The following EIF3A variants were observed in gnomAD, a reference collection of about 807,000 sequenced individuals.
EIF3A encodes EIF3, p180 subunit.
Under a neutral mutation model 186.6 loss-of-function variants are expected in EIF3A, and 21 were observed. The observed-to-expected ratio is 0.11, with a 90% CI of 0.08 to 0.16. EIF3A has a LOEUF of 0.16. Among genes scored for constraint, EIF3A ranks in the 10% least tolerant of loss-of-function variants. EIF3A has a pLI of 1.00. For missense variants in EIF3A, 1,306 were observed against 1,796.3 expected (o/e 0.73, Z 4.93); for synonymous variants, 563 against 584.3 (o/e 0.96, Z 0.52).
intron 8 of EIF3A, 115 bp downstream of exon 8, chr10:119,061,109 C>T: frequency 1.7e-6 from 1 of 591,802 alleles, no homozygotes. Flanking sequence ...ATGAAATGTG[C>T]ACTGAATTCC....
rs1313816458 is a variant in EIF3A at position 119,042,255 on chromosome 10, G to C, written c.3265C>G (p.Pro1089Ala). The part of the protein sequence containing the change: ...PRRGMDDDRG[P>A]RRGMDDDRGP... ...CGGTCATCATCCATGCCTCGCCTGG[G>C]ACCCCGGTCATCATCCATGCCTCGC... Residue 1089 changes from proline to alanine, a missense_variant, in exon 19 of 22, where the codon CCC becomes GCC. By Grantham distance (27) the Pro-to-Ala change is conservative. Coordinates refer to ENST00000369144, the MANE Select transcript of EIF3A (RefSeq NM_003750.4). This position sits in a 1 kb window ranked among gnomAD's most constrained non-coding sequence, Gnocchi z 7.8. The C allele has an allele frequency of 1.9e-6, 3 of 1,612,398 alleles. No individual in the cohort carries two copies. In the Admixed American group the frequency reaches 5.0e-5, roughly 27 times the overall value.
At chr10:119,067,746 T>C (rs553277567) in intron 6 of EIF3A, among the ~76,000 whole-genome samples, 1 of 152,170 alleles carries the variant, frequency 6.6e-6, no homozygotes, top group Non-Finnish European at 1.5e-5. Flanking sequence ...ATAATTCTAC[T>C]GGATAACAAA....
At chr10:119,037,441 A>G in intron 20 of EIF3A, 132 bp from the exon 21 acceptor site, 7 of 745,498 alleles carry the variant, frequency 9.4e-6, no homozygotes, top group Non-Finnish European at 1.5e-5. Context: ...ACCTGACCTT[A>G]CCTGATGCCT....
intron 1 of EIF3A, among the ~76,000 whole-genome samples, chr10:119,075,750 G>A (rs1354300787): frequency 2.8e-5 from 3 of 107,060 alleles, no homozygotes; most frequent in Non-Finnish European, 5.1e-5. Flanking sequence ...GTCTTGCTCT[G>A]TCACTCAGGC....
chr10:119,036,921 G>A (rs560317082), intron 21 of EIF3A, among the ~76,000 whole-genome samples, 198 bp downstream of exon 21: 1 of 152,056 alleles, frequency 6.6e-6, no homozygotes, highest in South Asian at 2.1e-4. Context: ...GTCTACTACT[G>A]TACTTTGAAT....
chr10:119,043,941 C>A, intron 18 of EIF3A, 113 bp downstream of exon 18: 4 of 813,014 alleles, frequency 4.9e-6, no homozygotes, highest in Admixed American at 2.1e-5. Flanking sequence ...GACATGCACA[C>A]AATTCTTCAT....
At position 119,051,189 on chromosome 10, in the gene EIF3A, G is replaced by C. The variant is rs1848351820; in HGVS notation, c.2319+10C>G. ...ATGAATAAACATTTCCCAAAAATCA[G>C]CAAGCTCACCTCATAAACAGACTGC... On this transcript the variant is annotated intron_variant, in intron 15 of 21. Transcript: ENST00000369144. 11 of 1,592,132 alleles carry C rather than the reference G, an allele frequency of 6.9e-6. No individual in the cohort carries two copies. Among genetic ancestry groups the C allele is most frequent in the Non-Finnish European group, 9.4e-6 (11 of 1,173,586 alleles).
At chr10:119,043,143 G>T (rs1346519946) in intron 18 of EIF3A, among the ~76,000 whole-genome samples, 1 of 152,082 alleles carries the variant, frequency 6.6e-6, no homozygotes, top group Non-Finnish European at 1.5e-5. Flanking sequence ...AATTCACCAG[G>T]CGTAGTGGCC....
At chr10:119,074,560 A>G (rs900546451) in intron 1 of EIF3A, among the ~76,000 whole-genome samples, 4 of 152,126 alleles carry the variant, frequency 2.6e-5, no homozygotes, top group Admixed American at 2.6e-4. Flanking sequence ...TGTGGTGTCA[A>G]TGAAACTATG....
chr10:119,049,997 A>T lies in EIF3A; in HGVS notation c.2474-12T>A, dbSNP rs1228335283. On this transcript the variant is annotated splice_polypyrimidine_tract_variant and intron_variant, in intron 16 of 21. Transcript: ENST00000369144. Reference sequence around the variant, plus strand: ...TCTCTCTTCCCGCTCTAGACCATTGATTAGGTTACTAAGTGTGCCTCCCAG... The same window carrying T: ...TCTCTCTTCCCGCTCTAGACCATTGTTTAGGTTACTAAGTGTGCCTCCCAG... 13 of 1,612,692 alleles carry T rather than the reference A, an allele frequency of 8.1e-6. No individual in the cohort carries two copies. Among genetic ancestry groups the T allele is most frequent in the Non-Finnish European group, 1.1e-5 (13 of 1,179,378 alleles).
intron 14 of EIF3A, among the ~76,000 whole-genome samples, chr10:119,052,672 A>G (rs1848375438): frequency 6.6e-6 from 1 of 152,006 alleles, no homozygotes. Context: ...CACCCCACCC[A>G]GCCTATACAT....
chr10:119,055,534 A>C, intron 14 of EIF3A, among the ~76,000 whole-genome samples: 1 of 152,200 alleles, frequency 6.6e-6, no homozygotes, highest in East Asian at 1.9e-4. Context: ...AGGTTACCAC[A>C]AACTTTTAAT....
At chr10:119,063,101 C>T (rs1843917173) in intron 7 of EIF3A, among the ~76,000 whole-genome samples, 3 of 152,048 alleles carry the variant, frequency 2.0e-5, no homozygotes, top group South Asian at 2.1e-4. Flanking sequence ...CAGTGTGGCA[C>T]GTTTCTTCAG....
At position 119,070,255 on chromosome 10, in the gene EIF3A, A is replaced by T. The variant is rs145377183; in HGVS notation, c.742-601T>A. 3.8e-4 allele frequency among the ~76,000 whole-genome samples: 58 copies of T among 152,358 alleles called. 1 individual carries two copies. The highest frequency in any genetic ancestry group is 1.3e-3 in the African/African-American group (54 of 41,584). ...AAATTATATGGAACGTCTTTGTAGG[A>T]TTCTTAGAGAAAAAGGGCCAGGGAG... On this transcript the variant is annotated intron_variant, in intron 5 of 21. Transcript: ENST00000369144.
At position 119,073,694 on chromosome 10, in the gene EIF3A, G is replaced by C. The variant is rs1320213240; in HGVS notation, c.240+53C>G. Reference sequence around the variant, plus strand: ...ATTCACTTCGAAAGGTAAGTTCTTCGGCAGATTACTAAAAACACTTGTTAA... The same window carrying C: ...ATTCACTTCGAAAGGTAAGTTCTTCCGCAGATTACTAAAAACACTTGTTAA... On this transcript the variant is annotated intron_variant, in intron 2 of 21. Coordinates refer to ENST00000369144, the MANE Select transcript of EIF3A (RefSeq NM_003750.4). 4.5e-6 allele frequency: 7 copies of C among 1,560,146 alleles called. No homozygotes were observed. The East Asian group carries it at 1.6e-4, about 35-fold the overall frequency.
intron 17 of EIF3A, among the ~76,000 whole-genome samples, chr10:119,048,985 T>C (rs547960507): frequency 2.6e-5 from 4 of 152,310 alleles, no homozygotes; most frequent in Admixed American, 1.3e-4. Context: ...ATGTCTTTCA[T>C]GGAACTCAGC....
intron 7 of EIF3A, among the ~76,000 whole-genome samples, chr10:119,065,161 G>A (rs924724961): frequency 2.6e-5 from 4 of 151,982 alleles, no homozygotes; most frequent in African/African-American, 7.3e-5. Context: ...ACTGGCCCAC[G>A]GTATTCCCCA....
At chr10:119,057,827 T>C (rs1843814217) in intron 12 of EIF3A, 129 bp downstream of exon 12, 1 of 708,732 alleles carries the variant, frequency 1.4e-6, no homozygotes, top group African/African-American at 1.8e-5. Flanking sequence ...CTCACAGATT[T>C]AGTCATGACC....
At position 119,038,168 on chromosome 10, in the gene EIF3A, A is replaced by C. The variant is rs185718082; in HGVS notation, c.3728+70T>G. On this transcript the variant is annotated intron_variant, in intron 20 of 21. Coordinates refer to ENST00000369144, the MANE Select transcript of EIF3A (RefSeq NM_003750.4). ...CTGAACTCAGGTGATCCGCCCTCCC[A>C]AAGTGCTGGGATTACAGGCATGAGC... The C allele has an allele frequency of 4.5e-4, 617 of 1,383,670 alleles. 3 individuals carry two copies. The African/African-American group carries it at 7.6e-3, about 17-fold the overall frequency. The allele number at this position is 1,383,670 out of a possible 1,614,324, so 85.7% of individuals were successfully genotyped here.
Sources: gnomAD v4.1 joint callset for allele counts (sites outside exome capture counted in the v4.1 genomes callset) on GRCh38, gnomAD v4.1.1 for gene constraint, Gnocchi (gnomAD v3.1) non-coding constraint, MANE v1.5 for transcripts, NCBI Gene and HGNC (gene_info 2026-07-23, HGNC 2026-07-21) for gene names.